GDA: variants seen among roughly 807,000 people sequenced by gnomAD.
GDA encodes the protein guanine deaminase.
In GDA, 18 loss-of-function variants were observed where a neutral mutation model predicts 59.6. That is an observed-to-expected ratio of 0.30 (90% CI 0.21 to 0.45). GDA has a LOEUF of 0.45. Ranked by LOEUF, GDA falls within the 20% of genes least tolerant of loss-of-function variation. The pLI is 1.00. For missense variants in GDA, 427 were observed against 552.3 expected, an observed-to-expected ratio of 0.77 and a Z score of 2.27; for synonymous variants, 201 against 201.1, an observed-to-expected ratio of 1.00 and a Z score of 0.00.
rs1426101171 is a variant in GDA at position 72,176,500 on chromosome 9, G to A, written c.124-19000G>A. On this transcript the variant is annotated intron_variant, in intron 1 of 13. Transcript: ENST00000358399. ...AACACCACATGGGTGTTTGAAATCT[G>A]AGCTGTGGATAGGGCCTCCCCTCTC... is the stretch of plus-strand genomic sequence containing the variant. Among the ~76,000 whole-genome samples the A allele has an allele frequency of 2.0e-5, 3 of 152,294 alleles. No individual in the cohort carries two copies. The East Asian group carries it at 5.8e-4, about 29-fold the overall frequency.
In GDA at chr9:72,179,639, G is replaced by C. The variant is rs1316840664; in HGVS notation, c.124-15861G>C. Among the ~76,000 whole-genome samples, 9 of 152,308 alleles carry C rather than the reference G, an allele frequency of 5.9e-5. No homozygotes were observed. In the East Asian group the frequency reaches 1.7e-3, roughly 29 times the overall value. On this transcript the variant is annotated intron_variant, in intron 1 of 13. Transcript: ENST00000358399. ...CCCTCCTCCTATAGGGTCTGTGCTGGTTTCCCAGGGCTGCTGTAATGAAGT... is the reference window on the plus strand; with the variant it reads ...CCCTCCTCCTATAGGGTCTGTGCTGCTTTCCCAGGGCTGCTGTAATGAAGT...
chr9:72,144,650 A>T (rs1826557069), upstream of GDA, among the ~76,000 whole-genome samples: 2 of 152,212 alleles, frequency 1.3e-5, no homozygotes, highest in Non-Finnish European at 2.9e-5. Flanking sequence ...GAATTGAGCC[A>T]TCTCTCTATT....
chr9:72,197,749 A>C (rs1351588470), intron 2 of GDA, among the ~76,000 whole-genome samples: 1 of 152,216 alleles, frequency 6.6e-6, no homozygotes, highest in East Asian at 1.9e-4. Flanking sequence ...AGAGATTCTT[A>C]TATCAAGCAC....
intron 11 of GDA, among the ~76,000 whole-genome samples, chr9:72,242,366 G>A (rs1009548732): frequency 1.3e-5 from 2 of 151,950 alleles, no homozygotes; most frequent in East Asian, 1.9e-4. Flanking sequence ...GTATTGTTAC[G>A]GAAAAAAATA....
rs373741090 is a variant in GDA at position 72,250,813 on chromosome 9, G to A, written c.*2471G>A. The A allele has an allele frequency of 1.4e-5, 22 of 1,609,176 alleles. No individual in the cohort carries two copies. In the Admixed American group the frequency reaches 1.7e-4, roughly 12 times the overall value. On this transcript the variant is annotated 3_prime_UTR_variant, in exon 14 of 14. Coordinates refer to ENST00000358399, the MANE Select transcript of GDA (RefSeq NM_004293.5). ...CTCCACCATTTCCTTAATGTTCCAT[G>A]GTATTTTCAACGGAATACACTTTGA...
At chr9:72,125,639 A>T (rs1825819515) in intron 1 of GDA, among the ~76,000 whole-genome samples, 1 of 152,210 alleles carries the variant, frequency 6.6e-6, no homozygotes, top group Admixed American at 6.5e-5. Flanking sequence ...TAAATTAATG[A>T]TATAGTGGTA....
chr9:72,239,796 T>C (rs1379641213), intron 10 of GDA, among the ~76,000 whole-genome samples: 5 of 152,182 alleles, frequency 3.3e-5, no homozygotes, highest in Non-Finnish European at 5.9e-5. Context: ...CTTAAGTAGA[T>C]GTAATGAAAT....
chr9:72,186,070 A>G (rs764728113), intron 1 of GDA, among the ~76,000 whole-genome samples: 29 of 152,126 alleles, frequency 1.9e-4, no homozygotes, highest in Non-Finnish European at 3.7e-4. Flanking sequence ...GGGAAGACCA[A>G]TTGGCCATGG....
intron 12 of GDA, among the ~76,000 whole-genome samples, chr9:72,246,970 G>A (rs550287707): frequency 3.9e-5 from 6 of 152,136 alleles, no homozygotes; most frequent in Non-Finnish European, 8.8e-5. Context: ...CTGCTTATCA[G>A]TAGAGACAGA....
chr9:72,206,029 A>G (rs955653362), intron 3 of GDA, among the ~76,000 whole-genome samples: 9 of 152,316 alleles, frequency 5.9e-5, no homozygotes, highest in Non-Finnish European at 5.9e-5. Context: ...ATTTAGAAAA[A>G]TTTAGATTAC....
chr9:72,124,426 G>A (rs1219945137), intron 1 of GDA, among the ~76,000 whole-genome samples: 6 of 152,184 alleles, frequency 3.9e-5, no homozygotes, highest in Non-Finnish European at 7.3e-5. Context: ...TCAGATTTCA[G>A]TGATGTTAAA....
At chr9:72,165,068 A>G (rs1587429085) in intron 1 of GDA, among the ~76,000 whole-genome samples, 1 of 151,778 alleles carries the variant, frequency 6.6e-6, no homozygotes, top group African/African-American at 2.4e-5. Flanking sequence ...TTTAAATTTC[A>G]GGTGACTTAA....
At chr9:72,200,650 A>G (rs1833873395) in intron 2 of GDA, among the ~76,000 whole-genome samples, 1 of 152,180 alleles carries the variant, frequency 6.6e-6, no homozygotes, top group Non-Finnish European at 1.5e-5. Flanking sequence ...TTACACTGCT[A>G]TTCCGTTTTA....
chr9:72,248,174 T>C, intron 13 of GDA, 98 bp from the exon 14 acceptor site: 1 of 822,884 alleles, frequency 1.2e-6, no homozygotes, highest in Non-Finnish European at 2.1e-6. Context: ...GTATTTCCTC[T>C]CCTAGAAGTA....
chr9:72,241,359 A>T, intron 11 of GDA, 61 bp downstream of exon 11: 2 of 1,291,364 alleles, frequency 1.5e-6, no homozygotes, highest in South Asian at 3.2e-5. Flanking sequence ...GTGTCTTTGG[A>T]TGTAGTATGA....
chr9:72,232,989 GA>G (rs1838530219), intron 10 of GDA, among the ~76,000 whole-genome samples: 1 of 152,190 alleles, frequency 6.6e-6, no homozygotes, highest in South Asian at 2.1e-4. Flanking sequence ...TTGGTGTATT[GA>G]CCAAACGTTT....
At chr9:72,246,379 C>G (rs1435354568) in intron 12 of GDA, among the ~76,000 whole-genome samples, 7 of 152,182 alleles carry the variant, frequency 4.6e-5, no homozygotes, top group Non-Finnish European at 1.5e-5. Context: ...AACTCCTGAC[C>G]TCAGGTAATC....
chr9:72,240,078 CTT>C (rs1564179653), intron 10 of GDA, among the ~76,000 whole-genome samples: 1 of 152,116 alleles, frequency 6.6e-6, no homozygotes. Flanking sequence ...TACAAACTCA[CTT>C]AACTCCATGT....
intron 1 of GDA, among the ~76,000 whole-genome samples, chr9:72,117,333 A>G (rs1825488561): frequency 6.6e-6 from 1 of 152,068 alleles, no homozygotes. Flanking sequence ...TCAACCTTTG[A>G]TTTTTTTCCT....
Sources: allele counts gnomAD v4.1 joint callset (sites outside exome capture counted in the v4.1 genomes callset), GRCh38; gene constraint gnomAD v4.1.1; transcripts MANE v1.5; gene names NCBI Gene and HGNC (gene_info 2026-07-23, HGNC 2026-07-21).